Variants in PLS1 observed in about 807,000 individuals in gnomAD.
The protein encoded by PLS1 is plastin-1.
Under a neutral mutation model 73.7 loss-of-function variants are expected in PLS1, and 32 were observed. The ratio of observed to expected loss-of-function variants is 0.43; its 90% confidence interval spans 0.33 to 0.58. PLS1 has a LOEUF of 0.58. Among genes scored for constraint, PLS1 ranks in the 20% least tolerant of loss-of-function variants. The probability of loss-of-function intolerance (pLI) is 0.04; values close to 1 mark genes in which losing one functional copy is unlikely to be tolerated. For synonymous variants in PLS1, 217 were observed against 261.3 expected (o/e 0.83, Z 1.63); for missense variants, 633 against 740.5 (o/e 0.85, Z 1.68).
rs553059087 is a variant in PLS1, at chr3:142,604,839, G to A, written c.-37+8330G>A. On this transcript the variant is annotated intron_variant, in intron 1 of 15. Coordinates refer to ENST00000457734, the MANE Select transcript of PLS1 (RefSeq NM_001145319.2). ...AGTCCCAGCTACTCAGGAGACTGAG[G>A]CAGGAGAATGGCGTGAACCCGGGAG... Among the ~76,000 whole-genome samples, 26 of 152,040 alleles carry A rather than the reference G, an allele frequency of 1.7e-4. No homozygotes were observed. The East Asian group carries it at 4.8e-3, about 28-fold the overall frequency.
At chr3:142,660,920 C>A (rs141211289) in intron 1 of PLS1, among the ~76,000 whole-genome samples, 115 of 152,202 alleles carry the variant, frequency 7.6e-4, no homozygotes, top group African/African-American at 2.6e-3. Flanking sequence ...AAGAATATAA[C>A]CCCAGTTTTA....
intron 11 of PLS1, among the ~76,000 whole-genome samples, chr3:142,696,035 C>A (rs1325396344): frequency 1.3e-5 from 2 of 152,184 alleles, no homozygotes; most frequent in Non-Finnish European, 2.9e-5. Context: ...CTCAGGTGAT[C>A]TGCCTGCCTC....
intron 12 of PLS1, among the ~76,000 whole-genome samples, chr3:142,700,809 TGGGAGGG>T (rs1404405273): frequency 1.3e-5 from 2 of 152,216 alleles, no homozygotes; most frequent in Admixed American, 1.3e-4. Flanking sequence ...CCATGTGTTG[TGGGAGGG>T]ACCCAGTGGG....
chr3:142,636,563 A>G (rs1200727329), intron 1 of PLS1, among the ~76,000 whole-genome samples: 2 of 152,246 alleles, frequency 1.3e-5, no homozygotes, highest in Non-Finnish European at 2.9e-5. Context: ...TATGATAGAA[A>G]GGGTGGATAA....
At chr3:142,677,956 A>G (rs2037757011) in intron 5 of PLS1, 76 bp from the exon 6 acceptor site, 2 of 662,446 alleles carry the variant, frequency 3.0e-6, no homozygotes, top group East Asian at 3.1e-5. Context: ...AAATTTATCT[A>G]TTTTGGCTGT....
chr3:142,692,637 AC>A (rs1262031557), intron 10 of PLS1, among the ~76,000 whole-genome samples: 3 of 152,092 alleles, frequency 2.0e-5, no homozygotes, highest in Non-Finnish European at 2.9e-5. Context: ...AGAAATATGA[AC>A]CCCCGAAGAT....
intron 1 of PLS1, among the ~76,000 whole-genome samples, chr3:142,605,170 G>A (rs1211699538): frequency 6.6e-6 from 1 of 152,138 alleles, no homozygotes; most frequent in African/African-American, 2.4e-5. Context: ...AAACAAGATA[G>A]TGGATGTGAA....
rs919797997 is a variant in PLS1, at chr3:142,641,370, T to A, written c.-36-22832T>A. ...AAATATACAAGTATATAGAAAAAAA[T>A]TAAGGCATTCATAATCTCACCACCC... On this transcript the variant is annotated intron_variant, in intron 1 of 15. Transcript: ENST00000457734. 5.4e-5 allele frequency among the ~76,000 whole-genome samples: 8 copies of A among 148,978 alleles called. No homozygotes were observed. The East Asian group carries it at 7.8e-4, about 14-fold the overall frequency.
chr3:142,651,118 A>G (rs1315968796), intron 1 of PLS1, among the ~76,000 whole-genome samples: 1 of 152,196 alleles, frequency 6.6e-6, no homozygotes, highest in Non-Finnish European at 1.5e-5. Context: ...CTAATTTGAC[A>G]GAAGCATTTC....
intron 1 of PLS1, among the ~76,000 whole-genome samples, chr3:142,649,320 A>G (rs2037028207): frequency 7.6e-6 from 1 of 131,230 alleles, no homozygotes; most frequent in South Asian, 2.5e-4. Context: ...TGGGTAACAG[A>G]GTGAGACCCT....
chr3:142,639,626 C>T (rs2036784412), intron 1 of PLS1, among the ~76,000 whole-genome samples: 3 of 152,158 alleles, frequency 2.0e-5, no homozygotes, highest in Admixed American at 1.3e-4. Context: ...ATTGATTACA[C>T]TTATACTAAC....
chr3:142,605,591 G>C (rs893429983), intron 1 of PLS1, among the ~76,000 whole-genome samples: 1 of 152,104 alleles, frequency 6.6e-6, no homozygotes. Context: ...GGCTGATCTC[G>C]AACTCCTGAC....
intron 14 of PLS1, among the ~76,000 whole-genome samples, chr3:142,708,423 CT>C (rs1932954980): frequency 6.6e-6 from 1 of 152,002 alleles, no homozygotes; most frequent in South Asian, 2.1e-4. Context: ...ATTTTTTGTA[CT>C]TTTAGTAGAG....
At chr3:142,664,062 G>A (rs2037427323) in intron 1 of PLS1, 140 bp from the exon 2 acceptor site, 2 of 396,194 alleles carry the variant, frequency 5.0e-6, no homozygotes, top group Admixed American at 4.2e-5. Flanking sequence ...TGTTACCAGG[G>A]GACCTACTCA....
At chr3:142,679,117 G>A (rs2037791572) in intron 6 of PLS1, among the ~76,000 whole-genome samples, 1 of 151,450 alleles carries the variant, frequency 6.6e-6, no homozygotes, top group South Asian at 2.1e-4. Flanking sequence ...TTTTGATGGG[G>A]TTGTTTGTTT....
At chr3:142,616,005 T>C (rs1026530889) in intron 1 of PLS1, among the ~76,000 whole-genome samples, 7 of 152,226 alleles carry the variant, frequency 4.6e-5, no homozygotes, top group Admixed American at 4.6e-4. Context: ...GTGATTCTAT[T>C]GCATTTAAAG....
At chr3:142,676,407 T>C (rs2037726262) in intron 5 of PLS1, 118 bp downstream of exon 5, 1 of 936,036 alleles carries the variant, frequency 1.1e-6, no homozygotes, top group Admixed American at 2.4e-5. Flanking sequence ...ACTTAGGTCA[T>C]GAGGAATTTA....
rs573111322 is a variant in PLS1, at chr3:142,606,739, ATG to A, written c.-37+10232_-37+10233del. On this transcript the variant is annotated intron_variant, in intron 1 of 15. Coordinates refer to ENST00000457734, the MANE Select transcript of PLS1 (RefSeq NM_001145319.2). ...CTGGCTTATTTCACTTAGCACAATG[ATG>A]TCAAGGTTCATTCATGTTGTAGCAC... Among the ~76,000 whole-genome samples, 1,089 of 152,272 alleles carry A rather than the reference ATG, an allele frequency of 7.2e-3. 18 individuals are homozygous for A. The highest frequency in any genetic ancestry group is 5.5e-3 in the Non-Finnish European group (375 of 68,026).
At chr3:142,710,622 CTG>C (rs1017994181) in intron 14 of PLS1, among the ~76,000 whole-genome samples, 4 of 152,154 alleles carry the variant, frequency 2.6e-5, no homozygotes, top group Admixed American at 6.5e-5. Flanking sequence ...AAGCTGATGT[CTG>C]TGTGAAGGAG....
Sources: gnomAD v4.1 joint callset for allele counts (sites outside exome capture counted in the v4.1 genomes callset) on GRCh38, gnomAD v4.1.1 for gene constraint, MANE v1.5 for transcripts, NCBI Gene and HGNC (gene_info 2026-07-23, HGNC 2026-07-21) for gene names.